The following SLC45A1 variants were observed in gnomAD, a reference collection of about 807,000 sequenced individuals.
The protein encoded by SLC45A1 is proton-associated sugar transporter A.
Under a neutral mutation model 57.6 loss-of-function variants are expected in SLC45A1, and 28 were observed. That is an observed-to-expected ratio of 0.49 (90% CI 0.36 to 0.67). The LOEUF is 0.67. Among genes scored for constraint, SLC45A1 ranks in the 30% least tolerant of loss-of-function variants. SLC45A1 has a pLI of 0.00. For synonymous variants in SLC45A1, 459 were observed against 471.5 expected (o/e 0.97, Z 0.34); for missense variants, 814 against 1,041.5 (o/e 0.78, Z 3.01).
intron 1 of SLC45A1, among the ~76,000 whole-genome samples, chr1:8,319,195 G>A (rs1358519780): frequency 6.6e-6 from 1 of 152,194 alleles, no homozygotes; most frequent in Non-Finnish European, 1.5e-5. Context: ...CAGGAGAATC[G>A]CTTGAACCCA....
At position 8,327,017 on chromosome 1, in the gene SLC45A1, C is replaced by G. The variant is rs1186104524; in HGVS notation, c.715+975C>G. Among the ~76,000 whole-genome samples the G allele has an allele frequency of 6.6e-6, 1 of 152,200 alleles. No homozygotes were observed. Among genetic ancestry groups the G allele is most frequent in the East Asian group, 1.9e-4 (1 of 5,196 alleles). On this transcript the variant is annotated intron_variant, in intron 4 of 8. Coordinates refer to ENST00000471889, the MANE Select transcript of SLC45A1 (RefSeq NM_001080397.3). This position sits in a 1 kb window ranked among gnomAD's most constrained non-coding sequence, Gnocchi z 4.3. Reference sequence around the variant, plus strand: ...AACAAACAAACACCAACTCTTGTTTCCAGTATGAGCGTGGAGACGAGAAGG... The same window carrying G: ...AACAAACAAACACCAACTCTTGTTTGCAGTATGAGCGTGGAGACGAGAAGG...
chr1:8,333,114 A>AGT (rs1471152196), intron 5 of SLC45A1, among the ~76,000 whole-genome samples: 1 of 152,002 alleles, frequency 6.6e-6, no homozygotes, highest in Non-Finnish European at 1.5e-5. Flanking sequence ...TTTAAATGGG[A>AGT]CCTGGTCCTC....
chr1:8,337,834 G>A lies in SLC45A1; in HGVS notation c.1616G>A (p.Gly539Glu). 1 of 1,613,924 alleles carries A rather than the reference G, an allele frequency of 6.2e-7. No homozygotes were observed. The highest frequency in any genetic ancestry group is 8.5e-7 in the Non-Finnish European group (1 of 1,179,918). ...CTTCCAGGGTGGCTCTCATTCGAGGGGATGTTGCTCTTCTACACAGACTTC... is the reference window on the plus strand; with the variant it reads ...CTTCCAGGGTGGCTCTCATTCGAGGAGATGTTGCTCTTCTACACAGACTTC... ...NHFLGWLSFE[G>E]MLLFYTDFMG... Residue 539 changes from glycine to glutamate, a missense_variant, in exon 7 of 9, where the codon GGG becomes GAG. Transcript: ENST00000471889.
chr1:8,324,698 C>T lies in SLC45A1; in HGVS notation c.369C>T (p.Ser123=), dbSNP rs1371002047. The T allele has an allele frequency of 6.3e-7, 1 of 1,594,164 alleles. No homozygotes were observed. The highest frequency in any genetic ancestry group is 1.3e-5 in the African/African-American group (1 of 74,432). The change falls in exon 2 of 9, where the codon AGC becomes AGT. Residue 123 remains serine, a synonymous_variant. Coordinates refer to ENST00000471889, the MANE Select transcript of SLC45A1 (RefSeq NM_001080397.3). The stretch of plus-strand genomic sequence containing the variant: ...TGGGCCTGCCCGACCAGCTCTACAG[C>T]CTGGTGTGGTTCATCAGCCCCATCC... ...LQMGLPDQLY[S]LVWFISPILG... is the part of the protein sequence containing the mutation.
rs114235989 is a variant in SLC45A1, at chr1:8,324,167, C to T, written c.-24-139C>T. The T allele has an allele frequency of 1.3e-4, 102 of 787,580 alleles. No homozygotes were observed. In the African/African-American group the frequency reaches 1.5e-3, roughly 11 times the overall value. 48.8% of individuals were successfully genotyped at this position (787,580 alleles called of 1,614,324 possible). On this transcript the variant is annotated intron_variant, in intron 1 of 8. Coordinates refer to ENST00000471889, the MANE Select transcript of SLC45A1 (RefSeq NM_001080397.3). ...AGCTGCAGATGGGAAAGTGAGGCCC[C>T]GGAGCATCAACCATGAGCAGTGCAT...
Position 8,325,922 on chromosome 1 carries a change from G to T in SLC45A1, c.595G>T (p.Gly199Cys). 1 of 1,614,002 alleles carries T rather than the reference G, an allele frequency of 6.2e-7. No homozygotes were observed. Among genetic ancestry groups the T allele is most frequent in the Non-Finnish European group, 8.5e-7 (1 of 1,180,046 alleles). The part of the protein sequence containing the change: ...HKWGLLLTVC[G>C]VVLMDFSADS... ...GTGGGGCCTGCTGCTGACCGTGTGC[G>T]GTGTGGTGCTGATGGACTTTAGCGC... Residue 199 changes from glycine (G) to cysteine (C), a missense_variant, in exon 4 of 9, where the codon GGT (glycine) becomes TGT (cysteine). Coordinates refer to ENST00000471889, the MANE Select transcript of SLC45A1 (RefSeq NM_001080397.3). The surrounding 1 kb of genome is among the most constrained non-coding windows in gnomAD (Gnocchi z 6.3).
Position 8,335,656 on chromosome 1 carries a change from C to G in SLC45A1, c.1597+66C>G. The G allele has an allele frequency of 6.8e-7, 1 of 1,478,948 alleles. No homozygotes were observed. Among genetic ancestry groups the G allele is most frequent in the Non-Finnish European group, 9.0e-7 (1 of 1,111,204 alleles). 91.6% of individuals were successfully genotyped at this position (1,478,948 alleles called of 1,614,324 possible). A position where few individuals can be genotyped will look rare whatever the true frequency, so the allele number is the denominator to read the frequency against. ...CTCAGGGCTCTCGCCCCACTGGCCT[C>G]CCAGGATGCCCCTGAGCCTCCCTTC... On this transcript the variant is annotated intron_variant, in intron 6 of 8. Transcript: ENST00000471889. The surrounding 1 kb of genome is among the most constrained non-coding windows in gnomAD (Gnocchi z 4.1).
Position 8,330,352 on chromosome 1 carries a change from A to G in SLC45A1, c.859A>G (p.Ser287Gly). The G allele has an allele frequency of 6.2e-7, 1 of 1,613,376 alleles. No homozygotes were observed. The highest frequency in any genetic ancestry group is 8.5e-7 in the Non-Finnish European group (1 of 1,179,988). ...CGTCACCACCGTCCTGACCCTGGTC[A>G]GCATCCCTGAGAGGCCGCTGCGGCC... ...LSVTTVLTLV[S>G]IPERPLRPPS... Residue 287 changes from serine (S) to glycine (G), a missense_variant, in exon 5 of 9, where the codon AGC (serine) becomes GGC (glycine). Physicochemically the swap from Ser to Gly is moderately conservative, Grantham distance 56 (BLOSUM62 0). Coordinates refer to ENST00000471889, the MANE Select transcript of SLC45A1 (RefSeq NM_001080397.3). This position sits in a 1 kb window ranked among gnomAD's most constrained non-coding sequence, Gnocchi z 8.4.
At chr1:8,337,462 G>A (rs3994821) in intron 6 of SLC45A1, among the ~76,000 whole-genome samples, 34,422 of 151,820 alleles carry the variant, frequency 0.23, 4,958 homozygotes, top group East Asian at 0.66. Context: ...TCTGTCGCCC[G>A]GGCTGGAGGG....
At chr1:8,331,191 C>T (rs12143547) in intron 5 of SLC45A1, among the ~76,000 whole-genome samples, 47,643 of 151,694 alleles carry the variant, frequency 0.31, 8,199 homozygotes, top group Middle Eastern at 0.45. Flanking sequence ...GCCTGGGCAA[C>T]GTGGCGAAAC....
intron 1 of SLC45A1, among the ~76,000 whole-genome samples, chr1:8,320,188 A>G (rs1639957666): frequency 6.6e-6 from 1 of 152,194 alleles, no homozygotes; most frequent in Non-Finnish European, 1.5e-5. Context: ...TTCAGATGCT[A>G]GAGAGAAGTT....
At chr1:8,322,179 GTGGA>G (rs1640040864) in intron 1 of SLC45A1, among the ~76,000 whole-genome samples, 3 of 99,306 alleles carry the variant, frequency 3.0e-5, no homozygotes, top group African/African-American at 3.6e-5. Flanking sequence ...GGATGGGTGG[GTGGA>G]TGGATGGATG....
Position 8,325,810 on chromosome 1 carries a change from G to A in SLC45A1, c.491-8G>A, listed in dbSNP as rs1335641267. 3.7e-6 allele frequency: 6 copies of A among 1,611,446 alleles called. No individual in the cohort carries two copies. The Middle Eastern group carries it at 5.0e-4, about 133-fold the overall frequency. On this transcript the variant is annotated splice_region_variant and splice_polypyrimidine_tract_variant and intron_variant, in intron 3 of 8. Transcript: ENST00000471889. The surrounding 1 kb of genome is among the most constrained non-coding windows in gnomAD (Gnocchi z 6.3). The stretch of plus-strand genomic sequence containing the variant: ...TTTCTTGGGGTGACTTTGTTTCTCT[G>A]TGTCCAGGGGCACTGCTGGGCCTCT...
intron 1 of SLC45A1, among the ~76,000 whole-genome samples, chr1:8,318,665 C>A (rs1283691265): frequency 6.6e-6 from 1 of 152,194 alleles, no homozygotes; most frequent in African/African-American, 2.4e-5. Context: ...CCAAGGGGAA[C>A]GCGCTGAGGT....
chr1:8,333,603 T>A (rs1420027968), intron 5 of SLC45A1, among the ~76,000 whole-genome samples: 1 of 152,144 alleles, frequency 6.6e-6, no homozygotes, highest in Non-Finnish European at 1.5e-5. Flanking sequence ...ACCCAGCTAA[T>A]TTTTTATTTT....
In SLC45A1 at chr1:8,344,162, A is replaced by T; in HGVS notation, c.*149A>T. The stretch of plus-strand genomic sequence containing the variant: ...ATAAAATAATAAATGACAGCGGCAA[A>T]GCCTATGGTTTCTAGGCATTGCTCT... On this transcript the variant is annotated 3_prime_UTR_variant, in exon 9 of 9. Coordinates refer to ENST00000471889, the MANE Select transcript of SLC45A1 (RefSeq NM_001080397.3). 1.3e-6 allele frequency: 1 copy of T among 753,784 alleles called. No homozygotes were observed. The highest frequency in any genetic ancestry group is 2.0e-6 in the Non-Finnish European group (1 of 500,252). 46.7% of individuals were successfully genotyped at this position (753,784 alleles called of 1,614,324 possible).
intron 6 of SLC45A1, among the ~76,000 whole-genome samples, chr1:8,336,878 G>T (rs539798264): frequency 1.3e-5 from 2 of 152,280 alleles, no homozygotes; most frequent in East Asian, 3.9e-4. Context: ...ACTTCCGCCA[G>T]CACATCCATG....
chr1:8,342,856 G>C (rs1640870739), intron 8 of SLC45A1, among the ~76,000 whole-genome samples: 2 of 118,614 alleles, frequency 1.7e-5, no homozygotes, highest in Admixed American at 1.7e-4. Context: ...CTGAGATTGT[G>C]CCACTGCACT....
intron 5 of SLC45A1, among the ~76,000 whole-genome samples, chr1:8,334,105 T>A (rs1365300330): frequency 3.9e-5 from 6 of 152,288 alleles, no homozygotes; most frequent in Admixed American, 3.9e-4. Context: ...AAGTTCAAAC[T>A]GGCTTTAGAT....
Sources: allele counts gnomAD v4.1 joint callset (sites outside exome capture counted in the v4.1 genomes callset), GRCh38; gene constraint gnomAD v4.1.1; non-coding constraint Gnocchi (gnomAD v3.1); transcripts MANE v1.5; gene names NCBI Gene and HGNC (gene_info 2026-07-23, HGNC 2026-07-21).